Variants in CDH20 observed in about 807,000 individuals in gnomAD.
CDH20 encodes cadherin-20.
In CDH20, 29 loss-of-function variants were observed where a neutral mutation model predicts 74.2. The ratio of observed to expected loss-of-function variants is 0.39; its 90% confidence interval spans 0.29 to 0.53. CDH20 has a LOEUF of 0.53. Ranked by LOEUF, CDH20 falls within the 20% of genes least tolerant of loss-of-function variation. The pLI, the probability that CDH20 is intolerant of heterozygous loss-of-function variation, is 0.69. For missense variants in CDH20, 988 were observed against 1,048.3 expected (o/e 0.94, Z 0.79); for synonymous variants, 469 against 405.4 (o/e 1.16, Z -1.88).
intron 1 of CDH20, among the ~76,000 whole-genome samples, chr18:61,420,819 T>C (rs182496831): frequency 1.3e-5 from 2 of 152,284 alleles, no homozygotes; most frequent in Admixed American, 6.5e-5. Flanking sequence ...CTTTGGAGGC[T>C]GAGGTGGGTG....
chr18:61,347,313 T>C (rs1235494522), intron 1 of CDH20, among the ~76,000 whole-genome samples: 865 of 75,398 alleles, frequency 0.011, 16 homozygotes, highest in African/African-American at 0.046. Context: ...TATATATATA[T>C]ATATATACAC....
rs920490824 is a variant in CDH20, at chr18:61,550,135, C to T, written c.1806C>T (p.His602=). 4 of 1,614,106 alleles carry T rather than the reference C, an allele frequency of 2.5e-6. No individual in the cohort carries two copies. Among genetic ancestry groups the T allele is most frequent in the East Asian group, 2.2e-5 (1 of 44,898 alleles). ...IQVCSCDDDG[H]VMSCSPEAYM... is the part of the protein sequence containing the mutation. The stretch of plus-strand genomic sequence containing the variant: ...TGTGCAGCTGTGATGACGACGGCCA[C>T]GTCATGTCCTGCAGCCCAGAGGCCT... Residue 602 remains histidine, a synonymous_variant, in exon 11 of 12, where the codon CAC becomes CAT. Transcript: ENST00000262717.
chr18:61,474,492 G>A (rs1349713508), intron 1 of CDH20, among the ~76,000 whole-genome samples: 1 of 152,048 alleles, frequency 6.6e-6, no homozygotes, highest in African/African-American at 2.4e-5. Context: ...TCGTTGTGTA[G>A]CTCTCAGAAA....
At chr18:61,461,340 A>C (rs1164135151) in intron 1 of CDH20, among the ~76,000 whole-genome samples, 2 of 150,850 alleles carry the variant, frequency 1.3e-5, no homozygotes, top group African/African-American at 4.9e-5. Context: ...AAAAAAAAAA[A>C]AAAAAAAACC....
chr18:61,528,566 A>G (rs1912532728), intron 7 of CDH20, among the ~76,000 whole-genome samples: 1 of 151,710 alleles, frequency 6.6e-6, no homozygotes, highest in Admixed American at 6.6e-5. Context: ...TGTGCACTGA[A>G]CCATGTTTAG....
At position 61,414,762 on chromosome 18, in the gene CDH20, A is replaced by C. The variant is rs752792984; in HGVS notation, c.-152-75640A>C. The stretch of plus-strand genomic sequence containing the variant: ...ACATGATTGTCAGAGAAGAGGCGAG[A>C]ATTTTTTTATGTTTATTAAAATAAT... On this transcript the variant is annotated intron_variant, in intron 1 of 11. Coordinates refer to ENST00000262717, the MANE Select transcript of CDH20 (RefSeq NM_031891.4). Among the ~76,000 whole-genome samples the C allele has an allele frequency of 2.1e-4, 32 of 151,976 alleles. 1 individual carries two copies. The highest frequency in any genetic ancestry group is 4.7e-4 in the Non-Finnish European group (32 of 67,938).
chr18:61,503,654 A>C (rs1251547982), intron 5 of CDH20, among the ~76,000 whole-genome samples: 1 of 152,226 alleles, frequency 6.6e-6, no homozygotes, highest in East Asian at 1.9e-4. Context: ...CTGGACATGA[A>C]GGGCACAGGA....
rs1913196321 is a variant in CDH20, at chr18:61,545,141, C to T, written c.1645C>T (p.Gln549Ter). 6.3e-7 allele frequency: 1 copy of T among 1,595,072 alleles called. No homozygotes were observed. Among genetic ancestry groups the T allele is most frequent in the Non-Finnish European group, 8.6e-7 (1 of 1,162,762 alleles). Reference sequence around the variant, plus strand: ...CCCCAACTTTACCATAAGGGACAACCAAGGTAATCAGGTGGATGGTTGGCT... The same window carrying T: ...CCCCAACTTTACCATAAGGGACAACTAAGGTAATCAGGTGGATGGTTGGCT... ...NNPNFTIRDN[Q>*]DNTARILTRR... is the part of the protein sequence containing the mutation. Residue 549 changes from glutamine to a stop codon, truncating the protein, a stop_gained, in exon 10 of 12, where the codon CAA becomes TAA. Coordinates refer to ENST00000262717, the MANE Select transcript of CDH20 (RefSeq NM_031891.4). LOFTEE classifies it high-confidence loss of function.
At position 61,486,319 on chromosome 18, in the gene CDH20, C is replaced by T. The variant is rs115248358; in HGVS notation, c.-152-4083C>T. 3.3e-3 allele frequency among the ~76,000 whole-genome samples: 505 copies of T among 152,258 alleles called. 3 individuals are homozygous for T. The highest frequency in any genetic ancestry group is 0.012 in the African/African-American group (480 of 41,564). On this transcript the variant is annotated intron_variant, in intron 1 of 11. Coordinates refer to ENST00000262717, the MANE Select transcript of CDH20 (RefSeq NM_031891.4). ...AATGTTGAAAGTTTATTTAGAGGAG[C>T]ACTCGAACTATTTTCTTTATGGGAT...
chr18:61,373,974 T>C (rs1052122130), intron 1 of CDH20, among the ~76,000 whole-genome samples: 3 of 152,172 alleles, frequency 2.0e-5, no homozygotes, highest in South Asian at 2.1e-4. Flanking sequence ...TGAATTGTCT[T>C]CGACGCTTTG....
At chr18:61,551,396 C>T (rs567680469) in intron 11 of CDH20, among the ~76,000 whole-genome samples, 3 of 152,310 alleles carry the variant, frequency 2.0e-5, no homozygotes, top group African/African-American at 7.2e-5. Context: ...TATTCACATA[C>T]ACCCTTGATC....
chr18:61,457,305 C>A (rs1218902121), intron 1 of CDH20, among the ~76,000 whole-genome samples: 1 of 152,048 alleles, frequency 6.6e-6, no homozygotes, highest in Non-Finnish European at 1.5e-5. Flanking sequence ...TACAGTCATA[C>A]CCAGCATTTA....
chr18:61,442,788 C>CCTG (rs1431616955), intron 1 of CDH20, among the ~76,000 whole-genome samples: 2 of 152,134 alleles, frequency 1.3e-5, no homozygotes, highest in Non-Finnish European at 2.9e-5. Flanking sequence ...TTTGATTTGA[C>CCTG]CTGCTCTCTT....
intron 1 of CDH20, among the ~76,000 whole-genome samples, chr18:61,376,329 T>C (rs1568116538): frequency 6.6e-6 from 1 of 152,154 alleles, no homozygotes; most frequent in Non-Finnish European, 1.5e-5. Context: ...GGAATTTTGG[T>C]TCACATTTTG....
At chr18:61,420,570 ATTTG>A (rs1455950984) in intron 1 of CDH20, among the ~76,000 whole-genome samples, 4 of 152,116 alleles carry the variant, frequency 2.6e-5, no homozygotes, top group Non-Finnish European at 5.9e-5. Context: ...TCATTTCCTG[ATTTG>A]TTTATTCTTT....
intron 1 of CDH20, among the ~76,000 whole-genome samples, chr18:61,336,240 A>G (rs778645551): frequency 1.4e-4 from 21 of 152,262 alleles, no homozygotes; most frequent in Non-Finnish European, 2.5e-4. Flanking sequence ...AGATTCAGGA[A>G]GAGGACTCCC....
At chr18:61,428,860 C>A (rs1913161536) in intron 1 of CDH20, among the ~76,000 whole-genome samples, 1 of 152,214 alleles carries the variant, frequency 6.6e-6, no homozygotes, top group African/African-American at 2.4e-5. Flanking sequence ...CACCCACCAG[C>A]CCTCCAGCCA....
At chr18:61,350,484 C>T (rs1910267659) in intron 1 of CDH20, among the ~76,000 whole-genome samples, 2 of 152,004 alleles carry the variant, frequency 1.3e-5, no homozygotes, top group Admixed American at 1.3e-4. Context: ...CACCCTTAAT[C>T]CAAAGGAACC....
At chr18:61,406,614 G>C (rs943384088) in intron 1 of CDH20, among the ~76,000 whole-genome samples, 1 of 152,234 alleles carries the variant, frequency 6.6e-6, no homozygotes, top group Non-Finnish European at 1.5e-5. Context: ...TAATGTGATA[G>C]AATCCCTGGA....
Sources: gnomAD v4.1 joint callset for allele counts (sites outside exome capture counted in the v4.1 genomes callset) on GRCh38, gnomAD v4.1.1 for gene constraint, MANE v1.5 for transcripts, NCBI Gene and HGNC (gene_info 2026-07-23, HGNC 2026-07-21) for gene names.